TXNDC12: variants seen among roughly 807,000 people sequenced by gnomAD.
TXNDC12 encodes thioredoxin domain-containing protein 12.
TXNDC12 carries 22 observed loss-of-function variants against 24.2 expected under a neutral mutation model. The observed-to-expected ratio is 0.91, with a 90% CI of 0.65 to 1.30. The LOEUF (loss-of-function observed/expected upper bound fraction) is 1.30. Ranked by LOEUF, TXNDC12 falls within the 50% of genes most tolerant of loss-of-function variation. The probability of loss-of-function intolerance (pLI) is 0.00; values close to 1 mark genes in which losing one functional copy is unlikely to be tolerated. For missense variants in TXNDC12, 184 were observed against 205.8 expected, an observed-to-expected ratio of 0.89 and a Z score of 0.65; for synonymous variants, 58 against 73.4, an observed-to-expected ratio of 0.79 and a Z score of 1.07.
chr1:52,026,531 A>G (rs1019561289), intron 4 of TXNDC12, among the ~76,000 whole-genome samples: 1 of 152,226 alleles, frequency 6.6e-6, no homozygotes. Context: ...ATGTATGACT[A>G]TACCTTTAGT....
intron 2 of TXNDC12, among the ~76,000 whole-genome samples, chr1:52,034,600 TTTATTA>T (rs749319720): frequency 6.6e-6 from 1 of 152,050 alleles, no homozygotes; most frequent in African/African-American, 2.4e-5. Flanking sequence ...GCATCTTTAA[TTTATTA>T]TTATTATTTA....
intron 1 of TXNDC12, among the ~76,000 whole-genome samples, chr1:52,054,527 T>G (rs1321731754): frequency 6.6e-6 from 1 of 152,232 alleles, no homozygotes; most frequent in Non-Finnish European, 1.5e-5. Context: ...ATGCACTAGA[T>G]ACAGCTACCT....
chr1:52,052,819 T>C (rs1382959780), intron 1 of TXNDC12: 4 of 152,096 alleles, frequency 2.6e-5, no homozygotes, highest in Non-Finnish European at 5.9e-5. Flanking sequence ...CACAGTAACT[T>C]GAACAGAGCA....
At position 52,020,367 on chromosome 1, in the gene TXNDC12, G is replaced by T; in HGVS notation, c.*566C>A. ...ACAGGGAAGCTCAAGCATGAGAAGA[G>T]GAAAGAGGCTGTAGAAATTTGGGAA... On this transcript the variant is annotated 3_prime_UTR_variant, in exon 7 of 7. Transcript: ENST00000371626. The T allele has an allele frequency of 8.4e-6, 3 of 357,954 alleles. No homozygotes were observed. The highest frequency in any genetic ancestry group is 3.3e-5 in the South Asian group (1 of 30,430). The allele number at this position is 357,954 out of a possible 1,614,324, so 22.2% of individuals were successfully genotyped here. A position where few individuals can be genotyped will look rare whatever the true frequency, so the allele number is the denominator to read the frequency against.
intron 1 of TXNDC12, among the ~76,000 whole-genome samples, chr1:52,050,243 A>C (rs1686175378): frequency 6.6e-6 from 1 of 152,214 alleles, no homozygotes; most frequent in African/African-American, 2.4e-5. Context: ...AGATGTTTAA[A>C]AGGTACAATG....
chr1:52,025,287 C>T lies in TXNDC12; in HGVS notation c.286-708G>A, dbSNP rs180762283. 4.0e-3 allele frequency among the ~76,000 whole-genome samples: 608 copies of T among 151,606 alleles called. 6 individuals are homozygous for T. Among genetic ancestry groups the T allele is most frequent in the Non-Finnish European group, 6.1e-3 (417 of 67,942 alleles). ...AGGCTGGAGTGCAGTTGTGCGATCT[C>T]GGCCCACTGCAAGCTCCGCCTCCTG... On this transcript the variant is annotated intron_variant, in intron 4 of 6. Transcript: ENST00000371626.
rs533442470 is a variant in TXNDC12, at chr1:52,036,253, T to TTA, written c.158+5282_158+5283dup. Among the ~76,000 whole-genome samples the TTA allele has an allele frequency of 4.1e-3, 621 of 152,256 alleles. 4 individuals carry two copies. Among genetic ancestry groups the TTA allele is most frequent in the African/African-American group, 0.014 (598 of 41,522 alleles). On this transcript the variant is annotated intron_variant, in intron 2 of 6. Coordinates refer to ENST00000371626, the MANE Select transcript of TXNDC12 (RefSeq NM_015913.4). Reference sequence around the variant, plus strand: ...GTTAACACATATTTTGAATGTAATATTATATATTGTATTCTTACAATAAAG... The same window carrying TTA: ...GTTAACACATATTTTGAATGTAATATTATATATATTGTATTCTTACAATAAAG...
intron 3 of TXNDC12, among the ~76,000 whole-genome samples, chr1:52,028,027 T>C (rs1181983462): frequency 6.6e-6 from 1 of 151,840 alleles, no homozygotes; most frequent in Non-Finnish European, 1.5e-5. Context: ...GGGGTTTCAC[T>C]ATGTTGGGCA....
At chr1:52,032,105 G>C (rs1685772140) in intron 2 of TXNDC12, 6 of 942,606 alleles carry the variant, frequency 6.4e-6, no homozygotes, top group Non-Finnish European at 7.6e-6. Flanking sequence ...GATTCCAGTA[G>C]ACTATTTTAA....
intron 1 of TXNDC12, among the ~76,000 whole-genome samples, chr1:52,053,356 A>T (rs1932229): frequency 0.75 from 114,090 of 152,030 alleles, 46,487 homozygotes; most frequent in Non-Finnish European, 0.89. Context: ...TACTCTCAGT[A>T]CTTACAACTT....
At chr1:52,021,652 C>T (rs1331837679) in intron 6 of TXNDC12, among the ~76,000 whole-genome samples, 1 of 151,370 alleles carries the variant, frequency 6.6e-6, no homozygotes, top group Non-Finnish European at 1.5e-5. Context: ...CTTGGGGCAT[C>T]CTGCTTATGG....
chr1:52,022,274 G>A (rs1353793235), intron 6 of TXNDC12, among the ~76,000 whole-genome samples: 4 of 152,140 alleles, frequency 2.6e-5, no homozygotes, highest in Non-Finnish European at 4.4e-5. Flanking sequence ...TAGATGAGGG[G>A]AAAAGGAAGG....
At chr1:52,032,075 A>C in intron 2 of TXNDC12, 1 of 896,916 alleles carries the variant, frequency 1.1e-6, no homozygotes, top group Non-Finnish European at 1.3e-6. Flanking sequence ...GAAGTTACAC[A>C]GGGAACATTA....
Position 52,020,153 on chromosome 1 carries a change from A to G in TXNDC12, c.*780T>C, listed in dbSNP as rs1685570805. The stretch of plus-strand genomic sequence containing the variant: ...ACATTTCCTTTTAAAGTTTTATTAA[A>G]GTTTAATGGTACAATATTTTATCTC... On this transcript the variant is annotated 3_prime_UTR_variant, in exon 7 of 7. Coordinates refer to ENST00000371626, the MANE Select transcript of TXNDC12 (RefSeq NM_015913.4). The G allele has an allele frequency of 5.6e-6, 1 of 178,328 alleles. No homozygotes were observed. The highest frequency in any genetic ancestry group is 2.4e-5 in the African/African-American group (1 of 42,436). The allele number at this position is 178,328 out of a possible 1,614,324, so 11.0% of individuals were successfully genotyped here.
In TXNDC12 at chr1:52,027,289, T is replaced by G; in HGVS notation, c.271A>C (p.Met91Leu). The part of the protein sequence containing the change: ...EISELSHNFV[M>L]VNLEDEEEPK... ...CAAAGTCTTACCTCAAGATTTACCA[T>G]AACAAAATTATGGGAGAGTTCTGAA... The change falls in exon 4 of 7, where the codon ATG becomes CTG. Residue 91 changes from methionine (M) to leucine (L), a missense_variant. Physicochemically the swap from Met to Leu is conservative, Grantham distance 15 (BLOSUM62 2). Coordinates refer to ENST00000371626, the MANE Select transcript of TXNDC12 (RefSeq NM_015913.4). 6.2e-7 allele frequency: 1 copy of G among 1,612,662 alleles called. No homozygotes were observed. Among genetic ancestry groups the G allele is most frequent in the Non-Finnish European group, 8.5e-7 (1 of 1,178,936 alleles).
At chr1:52,053,848 C>A (rs1354288994) in intron 1 of TXNDC12, among the ~76,000 whole-genome samples, 1 of 152,186 alleles carries the variant, frequency 6.6e-6, no homozygotes, top group Non-Finnish European at 1.5e-5. Context: ...GCCAGCTCCA[C>A]CAACCTCCCC....
At chr1:52,037,150 A>C (rs1685896557) in intron 2 of TXNDC12, among the ~76,000 whole-genome samples, 1 of 149,892 alleles carries the variant, frequency 6.7e-6, no homozygotes, top group South Asian at 2.1e-4. Context: ...AAAGGTCCTT[A>C]TCACCCCCTG....
chr1:52,033,732 CG>C, intron 2 of TXNDC12: 1 of 1,606,406 alleles, frequency 6.2e-7, no homozygotes, highest in East Asian at 2.2e-5. Flanking sequence ...TGCCGCTGTA[CG>C]GCAGCCCGCA....
At chr1:52,031,685 T>A (rs1685763834) in intron 2 of TXNDC12, among the ~76,000 whole-genome samples, 1 of 152,084 alleles carries the variant, frequency 6.6e-6, no homozygotes, top group Non-Finnish European at 1.5e-5. Context: ...GAGACGAGGT[T>A]TTGCCACGTT....
Sources: gnomAD v4.1 joint callset for allele counts (sites outside exome capture counted in the v4.1 genomes callset) on GRCh38, gnomAD v4.1.1 for gene constraint, MANE v1.5 for transcripts, NCBI Gene and HGNC (gene_info 2026-07-23, HGNC 2026-07-21) for gene names.